PAPPA2: variants seen among roughly 807,000 people sequenced by gnomAD.
PAPPA2 encodes pappalysin-2.
Under a neutral mutation model 176.4 loss-of-function variants are expected in PAPPA2, and 86 were observed. The observed-to-expected ratio is 0.49, with a 90% CI of 0.41 to 0.58. The LOEUF (loss-of-function observed/expected upper bound fraction) is 0.58. PAPPA2 is among the 20% of genes least tolerant of loss of function. The pLI, the probability that PAPPA2 is intolerant of heterozygous loss-of-function variation, is 0.00. For synonymous variants in PAPPA2, 809 were observed against 852.2 expected, an observed-to-expected ratio of 0.95 and a Z score of 0.88; for missense variants, 2,073 against 2,256.9, an observed-to-expected ratio of 0.92 and a Z score of 1.65.
At chr1:176,477,276 G>A (rs1450340830) in intron 1 of PAPPA2, among the ~76,000 whole-genome samples, 1 of 152,082 alleles carries the variant, frequency 6.6e-6, no homozygotes, top group African/African-American at 2.4e-5. Flanking sequence ...GGGGATATGA[G>A]GCTTAAATTG....
rs1667574436 is a variant in PAPPA2, at chr1:176,843,940, A to G, written c.*1486A>G. On this transcript the variant is annotated 3_prime_UTR_variant, in exon 23 of 23. Transcript: ENST00000367662. ...TCTGTGGGGAGACAGAAGAATTTCA[A>G]CTATTTAATGTCCATTTTGTTGTTT... 6.7e-6 allele frequency: 1 copy of G among 149,354 alleles called. No homozygotes were observed. Among genetic ancestry groups the G allele is most frequent in the Non-Finnish European group, 1.5e-5 (1 of 66,658 alleles). The allele number at this position is 149,354 out of a possible 1,614,324, so 9.3% of individuals were successfully genotyped here. A position where few individuals can be genotyped will look rare whatever the true frequency, so the allele number is the denominator to read the frequency against.
chr1:176,583,950 G>C (rs1328398069), intron 2 of PAPPA2, among the ~76,000 whole-genome samples: 1 of 152,160 alleles, frequency 6.6e-6, no homozygotes, highest in Non-Finnish European at 1.5e-5. Context: ...AGCTACTTGA[G>C]AGGATGAGGT....
intron 1 of PAPPA2, among the ~76,000 whole-genome samples, chr1:176,522,001 C>G (rs528735567): frequency 6.6e-6 from 1 of 152,256 alleles, no homozygotes; most frequent in Admixed American, 6.5e-5. Flanking sequence ...CTGTGGAAGA[C>G]TCCCCAACAT....
At chr1:176,744,259 T>C (rs185213400) in intron 14 of PAPPA2, among the ~76,000 whole-genome samples, 6 of 152,320 alleles carry the variant, frequency 3.9e-5, no homozygotes, top group Non-Finnish European at 5.9e-5. Flanking sequence ...AAAATGTCTA[T>C]CCCTGCCTTC....
chr1:176,586,643 T>C (rs1333129446), intron 2 of PAPPA2, among the ~76,000 whole-genome samples: 1 of 152,230 alleles, frequency 6.6e-6, no homozygotes, highest in Admixed American at 6.5e-5. Flanking sequence ...TATGGCTGCA[T>C]AGTATTCCAT....
chr1:176,569,936 A>T (rs938864279), intron 2 of PAPPA2, among the ~76,000 whole-genome samples: 2 of 152,160 alleles, frequency 1.3e-5, no homozygotes, highest in African/African-American at 4.8e-5. Flanking sequence ...CCCCTTCCTC[A>T]TCCCCACAAA....
At chr1:176,625,964 A>C in intron 3 of PAPPA2, among the ~76,000 whole-genome samples, 1 of 152,168 alleles carries the variant, frequency 6.6e-6, no homozygotes, top group Non-Finnish European at 1.5e-5. Flanking sequence ...TGGAGGCTGC[A>C]GTCAGCTATG....
At chr1:176,619,058 T>A (rs1237585149) in intron 3 of PAPPA2, among the ~76,000 whole-genome samples, 1 of 152,066 alleles carries the variant, frequency 6.6e-6, no homozygotes, top group South Asian at 2.1e-4. Flanking sequence ...CTACTAATAA[T>A]TGAGAAACAA....
In PAPPA2 at chr1:176,594,704, T is replaced by C. The variant is rs1405200665; in HGVS notation, c.1100T>C (p.Val367Ala). Residue 367 changes from valine (V) to alanine (A), a missense_variant, in exon 3 of 23, where the codon GTG becomes GCG. Transcript: ENST00000367662. The part of the protein sequence containing the change: ...SRYQPGTWTH[V>A]AATYDGRHMA... ...TACCAACCAGGCACATGGACCCATG[T>C]GGCAGCCACTTACGATGGACGGCAC... 6.2e-7 allele frequency: 1 copy of C among 1,614,248 alleles called. No homozygotes were observed. The highest frequency in any genetic ancestry group is 1.3e-5 in the African/African-American group (1 of 75,080).
chr1:176,706,295 A>T, intron 9 of PAPPA2, 64 bp from the exon 10 acceptor site: 1 of 1,400,436 alleles, frequency 7.1e-7, no homozygotes, highest in African/African-American at 1.4e-5. Context: ...ATTTTAAATG[A>T]TGGTAGCTAA....
chr1:176,623,804 TTTCTTCTTTCTTTCTTC>T (rs1655842758), intron 3 of PAPPA2, among the ~76,000 whole-genome samples: 1 of 109,784 alleles, frequency 9.1e-6, no homozygotes, highest in African/African-American at 3.3e-5. Flanking sequence ...TCTTTCTTTC[TTTCTTCTTTCTTTCTTC>T]TCTCTCTCTC....
At chr1:176,554,979 G>GTA (rs528760291) in intron 1 of PAPPA2, among the ~76,000 whole-genome samples, 46 of 106,356 alleles carry the variant, frequency 4.3e-4, no homozygotes, top group Middle Eastern at 4.2e-3. Flanking sequence ...GTAAGTGTGT[G>GTA]TGTGTGTGTG....
intron 21 of PAPPA2, among the ~76,000 whole-genome samples, chr1:176,822,679 C>A (rs905427269): frequency 6.6e-6 from 1 of 152,094 alleles, no homozygotes; most frequent in Non-Finnish European, 1.5e-5. Flanking sequence ...AATTGAAGGT[C>A]CTAACAAATG....
intron 1 of PAPPA2, among the ~76,000 whole-genome samples, chr1:176,480,645 A>G (rs1299740312): frequency 6.6e-6 from 1 of 152,034 alleles, no homozygotes; most frequent in Admixed American, 6.5e-5. Flanking sequence ...CTCATCCTGT[A>G]CCTCTTTCTA....
chr1:176,736,048 T>A (rs967338776), intron 12 of PAPPA2, among the ~76,000 whole-genome samples: 2 of 152,168 alleles, frequency 1.3e-5, no homozygotes, highest in African/African-American at 4.8e-5. Context: ...ATAATTCTTT[T>A]GACTTTCCAG....
intron 1 of PAPPA2, among the ~76,000 whole-genome samples, chr1:176,481,238 G>A (rs555161612): frequency 1.0e-4 from 15 of 146,958 alleles, no homozygotes; most frequent in African/African-American, 1.5e-4. Flanking sequence ...TGATTTAAGC[G>A]CTGAGATTTT....
At chr1:176,718,645 A>G in intron 12 of PAPPA2, among the ~76,000 whole-genome samples, 1 of 150,626 alleles carries the variant, frequency 6.6e-6, no homozygotes. Context: ...TTTACTCCTG[A>G]GTTATTTATA....
At chr1:176,496,239 T>C (rs1023814937) in intron 1 of PAPPA2, among the ~76,000 whole-genome samples, 1 of 152,206 alleles carries the variant, frequency 6.6e-6, no homozygotes, top group Non-Finnish European at 1.5e-5. Context: ...TATACAACTG[T>C]TTTTAATATG....
At chr1:176,581,536 G>A (rs138598821) in intron 2 of PAPPA2, among the ~76,000 whole-genome samples, 1 of 152,242 alleles carries the variant, frequency 6.6e-6, no homozygotes, top group African/African-American at 2.4e-5. Context: ...GCATTGATAT[G>A]TAGATTGCTT....
Sources: allele counts gnomAD v4.1 joint callset (sites outside exome capture counted in the v4.1 genomes callset), GRCh38; gene constraint gnomAD v4.1.1; transcripts MANE v1.5; gene names NCBI Gene and HGNC (gene_info 2026-07-23, HGNC 2026-07-21).